SAMSN1: variants seen among roughly 807,000 people sequenced by gnomAD.
The protein encoded by SAMSN1 is SAM domain-containing protein SAMSN-1.
Under a neutral mutation model 42.0 loss-of-function variants are expected in SAMSN1, and 31 were observed. The observed-to-expected ratio is 0.74, with a 90% confidence interval of 0.55 to 1.00. The LOEUF is 1.00. Ranked by LOEUF, SAMSN1 falls within the 50% of genes least tolerant of loss-of-function variation. The pLI is 0.00. For synonymous variants in SAMSN1, 178 were observed against 151.9 expected, an observed-to-expected ratio of 1.17 and a Z score of -1.26; for missense variants, 464 against 439.4, an observed-to-expected ratio of 1.06 and a Z score of -0.50.
At chr21:14,511,803 T>A (rs144701334) in intron 4 of SAMSN1, among the ~76,000 whole-genome samples, 336 of 152,364 alleles carry the variant, frequency 2.2e-3, no homozygotes, top group African/African-American at 7.8e-3. Flanking sequence ...TTAATCTTCA[T>A]TAGAAAATCC....
chr21:14,656,300 C>A (rs2123403047), intron 1 of SAMSN1, among the ~76,000 whole-genome samples: 1 of 151,776 alleles, frequency 6.6e-6, no homozygotes, highest in Admixed American at 6.6e-5. Context: ...ACTCACTTGG[C>A]AGCAGAATTA....
rs528461664 is a variant in SAMSN1 at position 14,517,181 on chromosome 21, C to T, written c.130-140G>A. The T allele has an allele frequency of 2.9e-5, 20 of 695,432 alleles. 1 individual carries two copies. The highest frequency in any genetic ancestry group is 4.8e-5 in the South Asian group (2 of 41,940). The allele number at this position is 695,432 out of a possible 1,614,324, so 43.1% of individuals were successfully genotyped here. On this transcript the variant is annotated intron_variant, in intron 2 of 7. Coordinates refer to ENST00000400566, the MANE Select transcript of SAMSN1 (RefSeq NM_022136.5). The stretch of plus-strand genomic sequence containing the variant: ...GCAGCCTCCAAAATTTCTAACAATC[C>T]GGACATAACACATATTTTTAAAGTT...
intron 2 of SAMSN1, among the ~76,000 whole-genome samples, chr21:14,551,630 A>G (rs909309445): frequency 1.3e-5 from 2 of 152,154 alleles, no homozygotes; most frequent in Non-Finnish European, 2.9e-5. Context: ...TAATCCATTT[A>G]TGATTAAAAG....
chr21:14,487,410 T>A (rs932655458), intron 7 of SAMSN1, among the ~76,000 whole-genome samples: 13 of 152,102 alleles, frequency 8.5e-5, no homozygotes, highest in African/African-American at 2.9e-4. Flanking sequence ...TTGCTAACAT[T>A]AGTTTATGAT....
intron 2 of SAMSN1, among the ~76,000 whole-genome samples, chr21:14,630,006 C>G (rs1600974142): frequency 6.6e-6 from 1 of 152,136 alleles, no homozygotes; most frequent in African/African-American, 2.4e-5. Flanking sequence ...TTTCCTGCCA[C>G]TTATTATCTT....
chr21:14,553,142 A>T (rs1453907723), intron 2 of SAMSN1, among the ~76,000 whole-genome samples: 1 of 151,564 alleles, frequency 6.6e-6, no homozygotes, highest in East Asian at 1.9e-4. Context: ...TCCTTTTTTT[A>T]TCCTTGAGGA....
chr21:14,577,255 TA>T lies in SAMSN1; in HGVS notation c.261+4880del, dbSNP rs1568816047. ...ATATGTGTGTATATATATATATATATATATATATATATATATATATATATAT... is the reference window on the plus strand; with the variant it reads ...ATATGTGTGTATATATATATATATATTATATATATATATATATATATATAT... On this transcript the variant is annotated intron_variant, in intron 2 of 8. Coordinates refer to the SAMSN1 transcript ENST00000285670. Among the ~76,000 whole-genome samples the T allele has an allele frequency of 2.4e-3, 94 of 39,994 alleles. 6 individuals carry two copies. The highest frequency in any genetic ancestry group is 0.011 in the African/African-American group (60 of 5,596). 26.2% of individuals were successfully genotyped at this position (39,994 alleles called of 152,430 possible). A position where few individuals can be genotyped will look rare whatever the true frequency, so the allele number is the denominator to read the frequency against.
intron 2 of SAMSN1, among the ~76,000 whole-genome samples, chr21:14,560,138 G>A (rs1453128646): frequency 6.6e-6 from 1 of 152,134 alleles, no homozygotes; most frequent in African/African-American, 2.4e-5. Flanking sequence ...AAAGCATAGA[G>A]GGTAAATTGT....
intron 1 of SAMSN1, among the ~76,000 whole-genome samples, chr21:14,528,471 TA>T (rs982004783): frequency 3.3e-5 from 5 of 152,018 alleles, no homozygotes; most frequent in Non-Finnish European, 5.9e-5. Flanking sequence ...GCAGATGTAC[TA>T]AAAAAAGGCT....
At chr21:14,563,665 G>A (rs1202472085) in intron 2 of SAMSN1, among the ~76,000 whole-genome samples, 1 of 152,118 alleles carries the variant, frequency 6.6e-6, no homozygotes, top group Non-Finnish European at 1.5e-5. Flanking sequence ...ACTAAGCCCT[G>A]GGTACAAAAA....
intron 2 of SAMSN1, among the ~76,000 whole-genome samples, chr21:14,554,838 A>G (rs535222396): frequency 4.9e-4 from 74 of 151,708 alleles, no homozygotes; most frequent in African/African-American, 1.6e-3. Flanking sequence ...AGCTGGGATT[A>G]CAGACATGCA....
chr21:14,569,495 C>T (rs1569357), intron 2 of SAMSN1, among the ~76,000 whole-genome samples: 1,912 of 152,120 alleles, frequency 0.013, 27 homozygotes, highest in African/African-American at 0.042. Context: ...AATCTTAACC[C>T]TCATCTGCTT....
intron 5 of SAMSN1, among the ~76,000 whole-genome samples, chr21:14,509,635 G>A (rs1039405216): frequency 5.9e-5 from 9 of 152,200 alleles, no homozygotes; most frequent in Non-Finnish European, 8.8e-5. Context: ...TTTGCACCTT[G>A]TCTCCCTCTC....
chr21:14,539,339 G>T, intron 1 of SAMSN1, among the ~76,000 whole-genome samples: 1 of 152,198 alleles, frequency 6.6e-6, no homozygotes, highest in Non-Finnish European at 1.5e-5. Context: ...ATTAAGAAAA[G>T]AGGAAGTCAA....
At chr21:14,644,267 C>T (rs1983665751) in intron 1 of SAMSN1, among the ~76,000 whole-genome samples, 1 of 152,012 alleles carries the variant, frequency 6.6e-6, no homozygotes, top group Non-Finnish European at 1.5e-5. Flanking sequence ...AGACCCCTTC[C>T]TTCTGCTTGA....
At chr21:14,636,833 C>T (rs1324117467) in intron 2 of SAMSN1, among the ~76,000 whole-genome samples, 1 of 152,014 alleles carries the variant, frequency 6.6e-6, no homozygotes, top group Non-Finnish European at 1.5e-5. Context: ...CACTGCACTC[C>T]AGCCTGGGCG....
intron 1 of SAMSN1, among the ~76,000 whole-genome samples, chr21:14,533,826 T>C (rs1319560598): frequency 1.3e-5 from 2 of 152,170 alleles, no homozygotes; most frequent in Non-Finnish European, 2.9e-5. Flanking sequence ...CATGTGGTGG[T>C]CAAAGTAAAG....
chr21:14,582,108 G>T (rs1429287074), intron 2 of SAMSN1: 2 of 1,504,356 alleles, frequency 1.3e-6, no homozygotes, highest in Non-Finnish European at 8.9e-7. Flanking sequence ...CAGATAAGAT[G>T]ACACATTTCC....
intron 1 of SAMSN1, among the ~76,000 whole-genome samples, chr21:14,540,406 T>A (rs1979935396): frequency 6.6e-6 from 1 of 152,290 alleles, no homozygotes; most frequent in Non-Finnish European, 1.5e-5. Flanking sequence ...GACAAAGCGC[T>A]AATATCCAGA....
Sources: gnomAD v4.1 joint callset for allele counts (sites outside exome capture counted in the v4.1 genomes callset) on GRCh38, gnomAD v4.1.1 for gene constraint, MANE v1.5 for transcripts, NCBI Gene and HGNC (gene_info 2026-07-23, HGNC 2026-07-21) for gene names.